CDH20: variants seen among roughly 807,000 people sequenced by gnomAD.
CDH20 encodes cadherin-20.
CDH20 carries 29 observed loss-of-function variants against 74.2 expected under a neutral mutation model. The ratio of observed to expected loss-of-function variants is 0.39; its 90% CI spans 0.29 to 0.53. CDH20 has a LOEUF of 0.53. Ranked by LOEUF, CDH20 falls within the 20% of genes least tolerant of loss-of-function variation. The pLI is 0.69. For missense variants in CDH20, 988 were observed against 1,048.3 expected, an observed-to-expected ratio of 0.94 and a Z score of 0.79; for synonymous variants, 469 against 405.4, an observed-to-expected ratio of 1.16 and a Z score of -1.88.
At chr18:61,516,492 G>A (rs999646560) in intron 6 of CDH20, among the ~76,000 whole-genome samples, 7 of 152,234 alleles carry the variant, frequency 4.6e-5, no homozygotes, top group African/African-American at 1.7e-4. Context: ...ATTAGTAATT[G>A]AAGTTTCATT....
At chr18:61,428,476 C>CTA (rs1913147545) in intron 1 of CDH20, among the ~76,000 whole-genome samples, 1 of 152,172 alleles carries the variant, frequency 6.6e-6, no homozygotes, top group African/African-American at 2.4e-5. Flanking sequence ...GTAGCACAGC[C>CTA]ACAGATGGCT....
intron 1 of CDH20, among the ~76,000 whole-genome samples, chr18:61,426,190 A>C (rs537351282): frequency 1.8e-4 from 27 of 152,070 alleles, no homozygotes; most frequent in Non-Finnish European, 2.8e-4. Flanking sequence ...TTTCCAAAAA[A>C]TAAAATAAAA....
chr18:61,549,945 C>A (rs1421644073), intron 10 of CDH20, 33 bp from the exon 11 acceptor site: 3 of 1,597,834 alleles, frequency 1.9e-6, no homozygotes, highest in Admixed American at 3.4e-5. Flanking sequence ...TTCACCTTCC[C>A]TTTTCCAATC....
chr18:61,543,335 A>G (rs187838360), intron 9 of CDH20, among the ~76,000 whole-genome samples: 1 of 152,180 alleles, frequency 6.6e-6, no homozygotes, highest in African/African-American at 2.4e-5. Flanking sequence ...TTTAAACAGC[A>G]GGATTGGCAA....
chr18:61,554,139 C>T (rs1237516201), intron 11 of CDH20, 51 bp from the exon 12 acceptor site: 1 of 1,568,746 alleles, frequency 6.4e-7, no homozygotes. Flanking sequence ...AGTCACCGCA[C>T]ACACAGCCAC....
chr18:61,444,598 G>C (rs762729333), intron 1 of CDH20, among the ~76,000 whole-genome samples: 6 of 152,156 alleles, frequency 3.9e-5, no homozygotes, highest in Non-Finnish European at 8.8e-5. Context: ...TCTGAGGAAG[G>C]TCAAGAGAGA....
chr18:61,393,813 T>C (rs1454231371), intron 1 of CDH20, among the ~76,000 whole-genome samples: 1 of 152,160 alleles, frequency 6.6e-6, no homozygotes, highest in Non-Finnish European at 1.5e-5. Context: ...TTTGACATAA[T>C]AGAAAATGGG....
At chr18:61,515,363 G>A (rs891125905) in intron 6 of CDH20, among the ~76,000 whole-genome samples, 7 of 152,050 alleles carry the variant, frequency 4.6e-5, no homozygotes, top group East Asian at 2.0e-4. Flanking sequence ...TTCGGCTCGC[G>A]CACGGTGCAC....
intron 1 of CDH20, among the ~76,000 whole-genome samples, chr18:61,454,378 G>C (rs1483901283): frequency 6.6e-6 from 1 of 152,156 alleles, no homozygotes; most frequent in Non-Finnish European, 1.5e-5. Context: ...CAGTGTTTGA[G>C]TTTTCGTTTT....
In CDH20 at chr18:61,550,000, CAGG is replaced by C; in HGVS notation, c.1675_1677del (p.Arg559del). On this transcript the variant is annotated inframe_deletion, in exon 11 of 12. Transcript: ENST00000262717. The stretch of plus-strand genomic sequence containing the variant: ...CAGATAACACAGCACGGATTCTAAC[CAGG>C]AGGTCTGGTTTCCGGCAGCAGGAGC... 6.2e-7 allele frequency: 1 copy of C among 1,614,112 alleles called. No homozygotes were observed. Among genetic ancestry groups the C allele is most frequent in the Non-Finnish European group, 8.5e-7 (1 of 1,179,990 alleles).
chr18:61,550,369 C>T, intron 11 of CDH20, 140 bp downstream of exon 11: 1 of 1,018,608 alleles, frequency 9.8e-7, no homozygotes, highest in Non-Finnish European at 1.4e-6. Flanking sequence ...TGAGGCTGCA[C>T]AAAAAACAGT....
At chr18:61,360,199 C>A (rs997645641) in intron 1 of CDH20, among the ~76,000 whole-genome samples, 2 of 152,146 alleles carry the variant, frequency 1.3e-5, no homozygotes, top group Non-Finnish European at 2.9e-5. Context: ...GCTCTTCAGA[C>A]AATTTTGCTG....
chr18:61,351,453 A>T (rs1910303057), intron 1 of CDH20, among the ~76,000 whole-genome samples: 1 of 152,202 alleles, frequency 6.6e-6, no homozygotes, highest in Non-Finnish European at 1.5e-5. Context: ...ACTCATTTGA[A>T]AAGTGGGAGT....
At chr18:61,364,948 C>G (rs1910811734) in intron 1 of CDH20, among the ~76,000 whole-genome samples, 1 of 152,160 alleles carries the variant, frequency 6.6e-6, no homozygotes, top group South Asian at 2.1e-4. Flanking sequence ...CAATTTTAAG[C>G]ATCTAAAACT....
intron 1 of CDH20, among the ~76,000 whole-genome samples, chr18:61,380,969 G>T (rs750968033): frequency 2.0e-5 from 3 of 152,164 alleles, no homozygotes; most frequent in Non-Finnish European, 4.4e-5. Context: ...TTAGTGTGAT[G>T]AACAATGTGT....
intron 11 of CDH20, among the ~76,000 whole-genome samples, chr18:61,550,578 A>G (rs28473150): frequency 0.05 from 7,608 of 152,336 alleles, 474 homozygotes; most frequent in African/African-American, 0.14. Flanking sequence ...TACAATTTAG[A>G]CAGGATTTGA....
At chr18:61,382,362 A>T (rs1911460037) in intron 1 of CDH20, among the ~76,000 whole-genome samples, 1 of 152,216 alleles carries the variant, frequency 6.6e-6, no homozygotes, top group East Asian at 1.9e-4. Context: ...ATGGCCAAAA[A>T]GTAGAACGAG....
chr18:61,470,879 TTCTC>T (rs1412238085), intron 1 of CDH20, among the ~76,000 whole-genome samples: 3 of 151,922 alleles, frequency 2.0e-5, no homozygotes, highest in African/African-American at 4.8e-5. Flanking sequence ...CTTCTCCTCT[TTCTC>T]TCCCTCCCTC....
intron 1 of CDH20, chr18:61,405,275 G>A (rs1912294419): frequency 2.8e-6 from 1 of 352,968 alleles, no homozygotes; most frequent in Non-Finnish European, 5.3e-6. Flanking sequence ...AGCGAGAAAG[G>A]CCATTGTCAA....
Sources: allele counts gnomAD v4.1 joint callset (sites outside exome capture counted in the v4.1 genomes callset), GRCh38; gene constraint gnomAD v4.1.1; transcripts MANE v1.5; gene names NCBI Gene and HGNC (gene_info 2026-07-23, HGNC 2026-07-21).